Variants in LMCD1 observed in about 807,000 individuals in gnomAD.
LMCD1 encodes the protein LIM and cysteine-rich domains protein 1.
Under a neutral mutation model 42.7 loss-of-function variants are expected in LMCD1, and 32 were observed. The observed-to-expected ratio is 0.75, with a 90% CI of 0.57 to 1.01. The LOEUF (loss-of-function observed/expected upper bound fraction) is 1.01. Among genes scored for constraint, LMCD1 ranks in the 50% least tolerant of loss-of-function variants. The pLI is 0.00. For synonymous variants in LMCD1, 178 were observed against 184.9 expected, an observed-to-expected ratio of 0.96 and a Z score of 0.30; for missense variants, 458 against 483.1, an observed-to-expected ratio of 0.95 and a Z score of 0.49.
At chr3:8,554,334 G>A (rs1694893150) in intron 4 of LMCD1, among the ~76,000 whole-genome samples, 1 of 152,042 alleles carries the variant, frequency 6.6e-6, no homozygotes, top group Non-Finnish European at 1.5e-5. Context: ...CCGGCAGAGT[G>A]AAGTCTGAAG....
intron 4 of LMCD1, among the ~76,000 whole-genome samples, chr3:8,562,008 C>T (rs558171662): frequency 6.6e-6 from 1 of 152,148 alleles, no homozygotes; most frequent in Non-Finnish European, 1.5e-5. Flanking sequence ...CCTGAATGAA[C>T]CAGTGAATGA....
chr3:8,550,529 C>G, intron 4 of LMCD1: 1 of 985,196 alleles, frequency 1.0e-6, no homozygotes, highest in Non-Finnish European at 1.2e-6. Flanking sequence ...CAAGCCCCAT[C>G]TTATTAGCAC....
chr3:8,560,224 A>G (rs1695008514), intron 4 of LMCD1, among the ~76,000 whole-genome samples: 1 of 142,954 alleles, frequency 7.0e-6, no homozygotes, highest in African/African-American at 2.7e-5. Flanking sequence ...ACATAGTGGG[A>G]CCCCATCTCT....
chr3:8,512,129 A>T (rs1379541347), intron 1 of LMCD1, among the ~76,000 whole-genome samples: 1 of 152,188 alleles, frequency 6.6e-6, no homozygotes, highest in Non-Finnish European at 1.5e-5. Flanking sequence ...CCTGAGCTTC[A>T]CTCTGAAGCC....
In LMCD1 at chr3:8,521,403, C is replaced by T. The variant is rs552684756; in HGVS notation, c.43-11334C>T. On this transcript the variant is annotated intron_variant, in intron 1 of 5. Coordinates refer to ENST00000157600, the MANE Select transcript of LMCD1 (RefSeq NM_014583.4). ...TCCATACTCCTCTTTTTCAAAGTGA[C>T]CCCAACTCCATCCCCTTTGACAGAT... is the stretch of plus-strand genomic sequence containing the variant. Among the ~76,000 whole-genome samples, 3 of 152,282 alleles carry T rather than the reference C, an allele frequency of 2.0e-5. No individual in the cohort carries two copies. The South Asian group carries it at 6.2e-4, about 32-fold the overall frequency.
At chr3:8,549,210 G>A (rs1694796543) in intron 4 of LMCD1, among the ~76,000 whole-genome samples, 1 of 152,198 alleles carries the variant, frequency 6.6e-6, no homozygotes, top group Admixed American at 6.5e-5. Flanking sequence ...TGAGGTACAA[G>A]CTGGTCTACG....
chr3:8,526,625 G>A (rs767362921), intron 1 of LMCD1, among the ~76,000 whole-genome samples: 5 of 152,180 alleles, frequency 3.3e-5, no homozygotes, highest in Non-Finnish European at 1.5e-5. Context: ...CCCACCTGCA[G>A]AATGTTTGAT....
chr3:8,511,796 A>G, intron 1 of LMCD1, among the ~76,000 whole-genome samples: 1 of 152,104 alleles, frequency 6.6e-6, no homozygotes, highest in East Asian at 1.9e-4. Context: ...CTTCCTCTCA[A>G]GCAAAACCCA....
At chr3:8,517,186 C>A (rs895654273) in intron 1 of LMCD1, among the ~76,000 whole-genome samples, 3 of 152,154 alleles carry the variant, frequency 2.0e-5, no homozygotes, top group African/African-American at 7.2e-5. Context: ...TCTGAAACTT[C>A]CTGAGTGCTG....
rs767527849 is a variant in LMCD1, at chr3:8,537,413, G to T, written c.360G>T (p.Trp120Cys). ...CTTTTGACACCATCACCTACGAGTG[G>T]GCTCCCCCTGGAGTCACCCAGAAAC... is the stretch of plus-strand genomic sequence containing the variant. ...DPTFDTITYE[W>C]APPGVTQKLG... is the part of the protein sequence containing the mutation. The change falls in exon 3 of 6, where the codon TGG becomes TGT. Residue 120 changes from tryptophan to cysteine, a missense_variant. Trp to Cys is a radical substitution (Grantham distance 215). Coordinates refer to ENST00000157600, the MANE Select transcript of LMCD1 (RefSeq NM_014583.4). 1.2e-5 allele frequency: 19 copies of T among 1,604,234 alleles called. No homozygotes were observed. Among genetic ancestry groups the T allele is most frequent in the Non-Finnish European group, 1.6e-5 (19 of 1,173,192 alleles).
intron 3 of LMCD1, among the ~76,000 whole-genome samples, chr3:8,545,946 G>A (rs998897627): frequency 2.6e-5 from 4 of 152,314 alleles, no homozygotes; most frequent in Admixed American, 6.5e-5. Flanking sequence ...TGCCAACATG[G>A]CGAAACCCCG....
intron 5 of LMCD1, among the ~76,000 whole-genome samples, chr3:8,566,520 C>T (rs1036596217): frequency 6.6e-6 from 1 of 152,188 alleles, no homozygotes; most frequent in Non-Finnish European, 1.5e-5. Flanking sequence ...AAAGGACTGT[C>T]ACAGGCCTGC....
chr3:8,525,947 G>A (rs1287965486), intron 1 of LMCD1, among the ~76,000 whole-genome samples: 7 of 152,152 alleles, frequency 4.6e-5, no homozygotes, highest in African/African-American at 1.7e-4. Context: ...GACAAGTTAG[G>A]GAACCACTGT....
intron 1 of LMCD1, among the ~76,000 whole-genome samples, chr3:8,527,743 T>C (rs1694327070): frequency 6.6e-6 from 1 of 152,188 alleles, no homozygotes; most frequent in South Asian, 2.1e-4. Flanking sequence ...CTGTGAGTAA[T>C]CATTAGGGCG....
At position 8,555,529 on chromosome 3, in the gene LMCD1, G is replaced by A. The variant is rs1010788058; in HGVS notation, c.723+6626G>A. On this transcript the variant is annotated intron_variant, in intron 4 of 5. Coordinates refer to ENST00000157600, the MANE Select transcript of LMCD1 (RefSeq NM_014583.4). ...GCTCAGGCACCATGGGCAGGAGCCTGGGGGCAGCCGCAAAATCACTATGGT... is the reference window on the plus strand; with the variant it reads ...GCTCAGGCACCATGGGCAGGAGCCTAGGGGCAGCCGCAAAATCACTATGGT... Among the ~76,000 whole-genome samples, 31 of 152,300 alleles carry A rather than the reference G, an allele frequency of 2.0e-4. 1 individual carries two copies. The South Asian group carries it at 6.2e-3, about 31-fold the overall frequency.
At chr3:8,542,582 A>T (rs1694646808) in intron 3 of LMCD1, among the ~76,000 whole-genome samples, 1 of 152,174 alleles carries the variant, frequency 6.6e-6, no homozygotes, top group Non-Finnish European at 1.5e-5. Context: ...GGAATGGGGG[A>T]TCCTGTTACC....
intron 1 of LMCD1, among the ~76,000 whole-genome samples, chr3:8,514,608 T>G (rs1485585669): frequency 6.6e-6 from 1 of 152,238 alleles, no homozygotes; most frequent in Non-Finnish European, 1.5e-5. Flanking sequence ...CTGGAAATAA[T>G]TCAAATCTCC....
chr3:8,535,871 A>G (rs1257036631), intron 2 of LMCD1, among the ~76,000 whole-genome samples: 1 of 152,318 alleles, frequency 6.6e-6, no homozygotes, highest in East Asian at 1.9e-4. Context: ...TGTTGGAGCT[A>G]TTCTGTGGAA....
At chr3:8,532,949 G>A (rs1015708587) in intron 2 of LMCD1, 124 bp downstream of exon 2, 3 of 786,714 alleles carry the variant, frequency 3.8e-6, no homozygotes, top group Non-Finnish European at 6.5e-6. Flanking sequence ...AAGGATGGCT[G>A]CAGAGGGAAG....
Sources: gnomAD v4.1 joint callset for allele counts (sites outside exome capture counted in the v4.1 genomes callset) on GRCh38, gnomAD v4.1.1 for gene constraint, MANE v1.5 for transcripts, NCBI Gene and HGNC (gene_info 2026-07-23, HGNC 2026-07-21) for gene names.